The following NEK10 variants were observed in gnomAD, a reference collection of about 807,000 sequenced individuals.
NEK10 encodes serine/threonine-protein kinase Nek10.
In NEK10, 122 loss-of-function variants were observed where a neutral mutation model predicts 159.8. The observed-to-expected ratio is 0.76, with a 90% CI of 0.66 to 0.89. NEK10 has a LOEUF of 0.89. Among genes scored for constraint, NEK10 ranks in the 40% least tolerant of loss-of-function variants. The pLI is 0.00. For missense variants in NEK10, 1,342 were observed against 1,323.1 expected, an observed-to-expected ratio of 1.01 and a Z score of -0.22; for synonymous variants, 466 against 457.1, an observed-to-expected ratio of 1.02 and a Z score of -0.25.
At chr3:27,258,832 C>T (rs1050079246) in intron 22 of NEK10, among the ~76,000 whole-genome samples, 5 of 152,160 alleles carry the variant, frequency 3.3e-5, no homozygotes, top group Admixed American at 1.3e-4. Context: ...TACAGTCCCA[C>T]CAACAGTGTA....
intron 22 of NEK10, among the ~76,000 whole-genome samples, chr3:27,263,545 G>A (rs991154346): frequency 1.1e-4 from 16 of 152,132 alleles, no homozygotes; most frequent in African/African-American, 1.7e-4. Flanking sequence ...CCTCGCTGCC[G>A]CCTTGCAGTT....
rs576164225 is a variant in NEK10 at position 27,133,979 on chromosome 3, G to A, written c.2971-1989C>T. Reference sequence around the variant, plus strand: ...TTAATCCAGATGGGATCCCTTCCTCGGCTCCCAGCAAATAGTCATAATTAT... The same window carrying A: ...TTAATCCAGATGGGATCCCTTCCTCAGCTCCCAGCAAATAGTCATAATTAT... On this transcript the variant is annotated intron_variant, in intron 31 of 35. Transcript: ENST00000691995. 3.9e-5 allele frequency among the ~76,000 whole-genome samples: 6 copies of A among 151,936 alleles called. No homozygotes were observed. In the South Asian group the frequency reaches 6.3e-4, roughly 16 times the overall value.
chr3:27,158,806 CA>C (rs1945744764), intron 30 of NEK10, among the ~76,000 whole-genome samples: 1 of 152,120 alleles, frequency 6.6e-6, no homozygotes, highest in African/African-American at 2.4e-5. Flanking sequence ...ACATTTGACC[CA>C]CACTAATAGA....
chr3:27,301,071 T>C (rs867163219), intron 13 of NEK10, among the ~76,000 whole-genome samples: 1 of 152,258 alleles, frequency 6.6e-6, no homozygotes, highest in Middle Eastern at 3.4e-3. Flanking sequence ...TGGGCCGCTC[T>C]AGGGCACCCA....
chr3:27,297,924 T>C (rs2043483348), intron 13 of NEK10, among the ~76,000 whole-genome samples: 1 of 152,192 alleles, frequency 6.6e-6, no homozygotes, highest in Admixed American at 6.5e-5. Context: ...CATTTTACTG[T>C]GCTGAAGATT....
intron 23 of NEK10, among the ~76,000 whole-genome samples, chr3:27,213,087 A>G (rs774718922): frequency 3.9e-5 from 6 of 152,236 alleles, no homozygotes; most frequent in Non-Finnish European, 5.9e-5. Context: ...GAGGGTATTT[A>G]AACCCCAGAA....
Position 27,305,009 on chromosome 3 carries a change from A to G in NEK10, c.804-38T>C, listed in dbSNP as rs568405266. 1.9e-4 allele frequency: 236 copies of G among 1,227,414 alleles called. 1 individual carries two copies. The South Asian group carries it at 2.8e-3, about 15-fold the overall frequency. 76.0% of individuals were successfully genotyped at this position (1,227,414 alleles called of 1,614,324 possible). ...CAGAGGGTGGGGTGAGAATCACAGCATCATGAGTTGATTACTTTACATTAA... is the reference window on the plus strand; with the variant it reads ...CAGAGGGTGGGGTGAGAATCACAGCGTCATGAGTTGATTACTTTACATTAA... On this transcript the variant is annotated intron_variant, in intron 11 of 35. Transcript: ENST00000691995.
chr3:27,174,147 T>A (rs1947280196), intron 28 of NEK10, among the ~76,000 whole-genome samples: 1 of 152,188 alleles, frequency 6.6e-6, no homozygotes, highest in South Asian at 2.1e-4. Context: ...ATTACTCCTG[T>A]GGTTATTTGG....
intron 5 of NEK10, among the ~76,000 whole-genome samples, chr3:27,334,344 G>A (rs982654809): frequency 2.6e-5 from 4 of 152,146 alleles, no homozygotes; most frequent in Non-Finnish European, 4.4e-5. Flanking sequence ...AAACATACCA[G>A]CTGCTCAGGG....
rs34290923 is a variant in NEK10, at chr3:27,179,974, G to A, written c.2506-5141C>T. On this transcript the variant is annotated intron_variant, in intron 26 of 35. Coordinates refer to ENST00000691995, the MANE Select transcript of NEK10 (RefSeq NM_001394966.1). ...CAGGCACCTGTAATCCCAGGTACTC[G>A]CAAGGCTGAAGCACGAGAATTGCTT... 3.7e-4 allele frequency among the ~76,000 whole-genome samples: 56 copies of A among 152,164 alleles called. 1 individual carries two copies. The highest frequency in any genetic ancestry group is 3.4e-3 in the Middle Eastern group (1 of 294).
Position 27,308,980 on chromosome 3 carries a change from C to T in NEK10, c.662G>A (p.Arg221Gln), listed in dbSNP as rs35450418. Reference sequence around the variant, plus strand: ...GGAACCCAATAGAACATTAGTATCTCGGGCACCAAGTAAATTTACTAATGT... The same window carrying T: ...GGAACCCAATAGAACATTAGTATCTTGGGCACCAAGTAAATTTACTAATGT... ...HKTLVNLLGA[R>Q]DTNVLLGSLL... Residue 221 changes from arginine to glutamine, a missense_variant, in exon 10 of 36, where the codon CGA becomes CAA. Arg to Gln is a conservative substitution (Grantham distance 43). Transcript: ENST00000691995. 1.1e-5 allele frequency: 17 copies of T among 1,596,144 alleles called. No homozygotes were observed. Among genetic ancestry groups the T allele is most frequent in the South Asian group, 7.8e-5 (7 of 89,720 alleles).
At chr3:27,225,663 G>A (rs1317303628) in intron 23 of NEK10, among the ~76,000 whole-genome samples, 1 of 152,172 alleles carries the variant, frequency 6.6e-6, no homozygotes, top group Non-Finnish European at 1.5e-5. Context: ...TATTGGGTCA[G>A]GCACAACTTG....
At chr3:27,116,784 G>T (rs574831595) in intron 33 of NEK10, among the ~76,000 whole-genome samples, 113 of 151,826 alleles carry the variant, frequency 7.4e-4, no homozygotes, top group African/African-American at 2.6e-3. Context: ...ATAAGCATGT[G>T]CCACCATGGC....
At chr3:27,125,517 AC>A (rs1463176991) in intron 32 of NEK10, among the ~76,000 whole-genome samples, 3 of 152,126 alleles carry the variant, frequency 2.0e-5, no homozygotes, top group African/African-American at 7.2e-5. Context: ...ACTGAACTAC[AC>A]TATTATAAGA....
chr3:27,346,083 T>C lies in NEK10; in HGVS notation c.263+3A>G, dbSNP rs746891485. On this transcript the variant is annotated splice_donor_region_variant and intron_variant, in intron 4 of 35. Transcript: ENST00000691995. ...AAGACGAAGGAGATGCTGGATTTCT[T>C]ACCTAAAATTTTCAAGTTCAACAGC... 1.9e-6 allele frequency: 3 copies of C among 1,613,420 alleles called. No homozygotes were observed. Among genetic ancestry groups the C allele is most frequent in the Non-Finnish European group, 2.5e-6 (3 of 1,179,498 alleles).
chr3:27,350,001 C>G (rs930958006), intron 3 of NEK10, among the ~76,000 whole-genome samples: 1 of 152,114 alleles, frequency 6.6e-6, no homozygotes, highest in African/African-American at 2.4e-5. Context: ...GGGGAAGTAG[C>G]CTCGCTCCTT....
At chr3:27,158,492 T>C (rs1418233881) in intron 30 of NEK10, among the ~76,000 whole-genome samples, 1 of 152,104 alleles carries the variant, frequency 6.6e-6, no homozygotes, top group Non-Finnish European at 1.5e-5. Context: ...ATAAAAAACA[T>C]TGACAATTTG....
At position 27,256,349 on chromosome 3, in the gene NEK10, T is replaced by A. The variant is rs756504118; in HGVS notation, c.2037A>T (p.Gln679His). ...AGGTGAGTTTACTGTTTTCTTGTTTTTGCTTTGCCAGGCCAAAGTCAGCTA... is the reference window on the plus strand; with the variant it reads ...AGGTGAGTTTACTGTTTTCTTGTTTATGCTTTGCCAGGCCAAAGTCAGCTA... ...VTVTDFGLAK[Q>H]KQENSKLTSV... Residue 679 changes from glutamine to histidine, a missense_variant, in exon 23 of 36, where the codon CAA becomes CAT. By Grantham distance (24) the Gln-to-His change is conservative. Transcript: ENST00000691995. 7.0e-6 allele frequency: 11 copies of A among 1,575,650 alleles called. No homozygotes were observed. Among genetic ancestry groups the A allele is most frequent in the Non-Finnish European group, 9.4e-6 (11 of 1,164,456 alleles).
At chr3:27,343,269 A>C (rs964926774) in intron 5 of NEK10, among the ~76,000 whole-genome samples, 1 of 152,216 alleles carries the variant, frequency 6.6e-6, no homozygotes, top group Non-Finnish European at 1.5e-5. Context: ...TGAAGTCATC[A>C]CTTAAGCACG....
Sources: gnomAD v4.1 joint callset for allele counts (sites outside exome capture counted in the v4.1 genomes callset) on GRCh38, gnomAD v4.1.1 for gene constraint, MANE v1.5 for transcripts, NCBI Gene and HGNC (gene_info 2026-07-23, HGNC 2026-07-21) for gene names.